The following DNAJC5 variants were observed in gnomAD, a reference collection of about 807,000 sequenced individuals.
DNAJC5 encodes the protein DnaJ heat shock protein family (Hsp40) member C5, also known as dnaJ homolog subfamily C member 5.
In DNAJC5, 1 loss-of-function variant was observed where a neutral mutation model predicts 23.2. The ratio of observed to expected loss-of-function variants is 0.04; its 90% CI spans 0.02 to 0.20. The LOEUF (loss-of-function observed/expected upper bound fraction) is 0.20. DNAJC5 is among the 10% of genes least tolerant of loss of function. DNAJC5 has a pLI of 1.00. For synonymous variants in DNAJC5, 136 were observed against 120.0 expected (o/e 1.13, Z -0.87); for missense variants, 180 against 267.0 (o/e 0.67, Z 2.27).
At chr20:63,914,876 A>G (rs2053506182) in intron 1 of DNAJC5, among the ~76,000 whole-genome samples, 1 of 152,162 alleles carries the variant, frequency 6.6e-6, no homozygotes, top group Admixed American at 6.6e-5. Context: ...TCGGCCTACC[A>G]AAATGTTGGG....
chr20:63,921,400 G>A (rs1054741707), intron 1 of DNAJC5, among the ~76,000 whole-genome samples: 3 of 151,976 alleles, frequency 2.0e-5, no homozygotes, highest in African/African-American at 7.2e-5. Flanking sequence ...GACCATCCTG[G>A]CTAACACGGT....
Position 63,931,057 on chromosome 20 carries a change from G to C in DNAJC5, c.493+35G>C. On this transcript the variant is annotated intron_variant, in intron 4 of 4. Transcript: ENST00000360864. This position sits in a 1 kb window ranked among gnomAD's most constrained non-coding sequence, Gnocchi z 9.6. ...CGCCCCAGGGCCCGTGTGTGTGTGT[G>C]GGGCAGAGCCAGAATGGGCCCTGAA... 6.2e-7 allele frequency: 1 copy of C among 1,607,564 alleles called. No homozygotes were observed. The highest frequency in any genetic ancestry group is 1.1e-5 in the South Asian group (1 of 90,936).
chr20:63,929,417 A>G lies in DNAJC5; in HGVS notation c.213A>G (p.Thr71=), dbSNP rs1322173481. 3.1e-6 allele frequency: 5 copies of G among 1,614,052 alleles called. No individual in the cohort carries two copies. In the Admixed American group the frequency reaches 6.7e-5, roughly 22 times the overall value. ...NNAHAILTDA[T]KRNIYDKYGS... ...CGCACGCCATCCTCACGGACGCCAC[A>G]AAAAGGAACATCTACGACAAGTACG... Residue 71 remains threonine, a synonymous_variant, in exon 3 of 5, where the codon ACA becomes ACG. Coordinates refer to ENST00000360864, the MANE Select transcript of DNAJC5 (RefSeq NM_025219.3). The surrounding 1 kb of genome is among the most constrained non-coding windows in gnomAD (Gnocchi z 8.6).
intron 1 of DNAJC5, among the ~76,000 whole-genome samples, chr20:63,900,169 G>A (rs1600858421): frequency 6.6e-6 from 1 of 152,028 alleles, no homozygotes; most frequent in South Asian, 2.1e-4. Flanking sequence ...GATTATAGGC[G>A]TGAGCCACTG....
chr20:63,915,802 C>T (rs564805676), intron 1 of DNAJC5, among the ~76,000 whole-genome samples: 2 of 152,326 alleles, frequency 1.3e-5, no homozygotes, highest in African/African-American at 2.4e-5. Context: ...TCTTCCTCGA[C>T]TGTTTGTGCT....
In DNAJC5 at chr20:63,935,657, C is replaced by T. The variant is rs1357744690; in HGVS notation, c.*4089C>T. 1.3e-5 allele frequency: 2 copies of T among 152,286 alleles called. No homozygotes were observed. Among genetic ancestry groups the T allele is most frequent in the Non-Finnish European group, 2.9e-5 (2 of 68,058 alleles). The allele number at this position is 152,286 out of a possible 1,614,324, so 9.4% of individuals were successfully genotyped here. A position where few individuals can be genotyped will look rare whatever the true frequency, so the allele number is the denominator to read the frequency against. On this transcript the variant is annotated 3_prime_UTR_variant, in exon 5 of 5. Transcript: ENST00000360864. ...CGGGTCCGCCCCAGAGGAGTCCACA[C>T]AGCACCACCTCCAGAAGGGGCTGGG...
chr20:63,916,803 A>G (rs540904032), intron 1 of DNAJC5, among the ~76,000 whole-genome samples: 1 of 152,258 alleles, frequency 6.6e-6, no homozygotes, highest in South Asian at 2.1e-4. Context: ...CAGAGTATTA[A>G]TTCTTGCTAG....
At chr20:63,899,886 T>C (rs1455214076) in intron 1 of DNAJC5, among the ~76,000 whole-genome samples, 1 of 148,754 alleles carries the variant, frequency 6.7e-6, no homozygotes, top group Non-Finnish European at 1.5e-5. Context: ...TGGGCTTTTT[T>C]TTTTTTTTTT....
In DNAJC5 at chr20:63,929,363, C is replaced by T. The variant is rs779503067; in HGVS notation, c.159C>T (p.Ala53=). The change falls in exon 3 of 5, where the codon GCC becomes GCT. Residue 53 remains alanine (A), a synonymous_variant. Coordinates refer to ENST00000360864, the MANE Select transcript of DNAJC5 (RefSeq NM_025219.3). This position sits in a 1 kb window ranked among gnomAD's most constrained non-coding sequence, Gnocchi z 8.6. ...ACAAGAACCCCGACAACCCGGAGGCCGCGGACAAGTTTAAGGAGATCAACA... is the reference window on the plus strand; with the variant it reads ...ACAAGAACCCCGACAACCCGGAGGCTGCGGACAAGTTTAAGGAGATCAACA... The part of the protein sequence containing the change: ...HPDKNPDNPE[A]ADKFKEINNA... 68 of 1,613,984 alleles carry T rather than the reference C, an allele frequency of 4.2e-5. No individual in the cohort carries two copies. In the Middle Eastern group the frequency reaches 4.9e-4, roughly 12 times the overall value.
Position 63,931,624 on chromosome 20 carries a change from G to A in DNAJC5, c.*56G>A, listed in dbSNP as rs998242366. The stretch of plus-strand genomic sequence containing the variant: ...CCGGCGCCTGGCCACGCCAACCTTA[G>A]AATCATGAACTGTAGTCACAGAGAT... On this transcript the variant is annotated 3_prime_UTR_variant, in exon 5 of 5. Transcript: ENST00000360864. This position sits in a 1 kb window ranked among gnomAD's most constrained non-coding sequence, Gnocchi z 9.6. 11 of 1,487,740 alleles carry A rather than the reference G, an allele frequency of 7.4e-6. No homozygotes were observed. In the African/African-American group the frequency reaches 1.3e-4, roughly 17 times the overall value. 92.2% of individuals were successfully genotyped at this position (1,487,740 alleles called of 1,614,324 possible).
intron 1 of DNAJC5, among the ~76,000 whole-genome samples, chr20:63,927,911 C>G (rs1251318387): frequency 6.6e-6 from 1 of 152,124 alleles, no homozygotes; most frequent in African/African-American, 2.4e-5. Flanking sequence ...GTAAGGATTA[C>G]AATATGCATG....
chr20:63,922,893 C>G (rs1480272853), intron 1 of DNAJC5, among the ~76,000 whole-genome samples: 1 of 152,188 alleles, frequency 6.6e-6, no homozygotes, highest in Non-Finnish European at 1.5e-5. Context: ...TAATCCCCAG[C>G]ACTTTGGGAG....
intron 1 of DNAJC5, among the ~76,000 whole-genome samples, chr20:63,900,931 C>T (rs766736856): frequency 6.6e-6 from 1 of 152,164 alleles, no homozygotes; most frequent in Non-Finnish European, 1.5e-5. Context: ...GGTGAAGTGT[C>T]CAGAGCCATG....
At chr20:63,918,257 C>T (rs1022468876) in intron 1 of DNAJC5, among the ~76,000 whole-genome samples, 1 of 152,126 alleles carries the variant, frequency 6.6e-6, no homozygotes, top group African/African-American at 2.4e-5. Flanking sequence ...TGCTGTGTGC[C>T]TATAGTCCCA....
intron 1 of DNAJC5, among the ~76,000 whole-genome samples, chr20:63,924,655 C>G (rs768957848): frequency 1.3e-5 from 2 of 152,204 alleles, no homozygotes; most frequent in Non-Finnish European, 2.9e-5. Context: ...AGTCCGTGAC[C>G]AGCCTGGACA....
At chr20:63,896,085 GGTTGGGAAGATT>G (rs1403284725) in intron 1 of DNAJC5, among the ~76,000 whole-genome samples, 2 of 152,158 alleles carry the variant, frequency 1.3e-5, no homozygotes, top group Non-Finnish European at 2.9e-5. Flanking sequence ...GCTTAGGCTT[GGTTGGGAAGATT>G]TGATGGTGGT....
At chr20:63,907,349 A>G (rs1372211120) in intron 1 of DNAJC5, among the ~76,000 whole-genome samples, 1 of 152,216 alleles carries the variant, frequency 6.6e-6, no homozygotes, top group Non-Finnish European at 1.5e-5. Flanking sequence ...TCTTAGCCGA[A>G]AAGCACAGAT....
At chr20:63,904,964 C>T (rs369234728) in intron 1 of DNAJC5, among the ~76,000 whole-genome samples, 3 of 151,408 alleles carry the variant, frequency 2.0e-5, no homozygotes, top group South Asian at 2.1e-4. Flanking sequence ...CCACCACGCC[C>T]GGCTAATTTT....
chr20:63,911,661 C>T (rs1323063215), intron 1 of DNAJC5, among the ~76,000 whole-genome samples: 2 of 151,962 alleles, frequency 1.3e-5, no homozygotes, highest in Non-Finnish European at 2.9e-5. Context: ...TTCTGTGTTT[C>T]CAGGGACTTT....
Sources: gnomAD v4.1 joint callset for allele counts (sites outside exome capture counted in the v4.1 genomes callset) on GRCh38, gnomAD v4.1.1 for gene constraint, Gnocchi (gnomAD v3.1) non-coding constraint, MANE v1.5 for transcripts, NCBI Gene and HGNC (gene_info 2026-07-23, HGNC 2026-07-21) for gene names.